The following OSBPL1A variants were observed in gnomAD, a reference collection of about 807,000 sequenced individuals.
OSBPL1A encodes the protein oxysterol-binding protein-related protein 1.
Under a neutral mutation model 137.1 loss-of-function variants are expected in OSBPL1A, and 80 were observed. The ratio of observed to expected loss-of-function variants is 0.58; its 90% CI spans 0.49 to 0.70. The LOEUF (loss-of-function observed/expected upper bound fraction) is 0.70. Among genes scored for constraint, OSBPL1A ranks in the 30% least tolerant of loss-of-function variants. The probability of loss-of-function intolerance (pLI) is 0.00; values close to 1 mark genes in which losing one functional copy is unlikely to be tolerated. For synonymous variants in OSBPL1A, 365 were observed against 389.7 expected, an observed-to-expected ratio of 0.94 and a Z score of 0.75; for missense variants, 970 against 1,129.4, an observed-to-expected ratio of 0.86 and a Z score of 2.02.
intron 15 of OSBPL1A, among the ~76,000 whole-genome samples, chr18:24,262,790 AC>A (rs1466280467): frequency 5.2e-5 from 5 of 95,588 alleles, no homozygotes; most frequent in Non-Finnish European, 9.5e-5. Flanking sequence ...CCTTCTCTCC[AC>A]CCCCTACCCA....
intron 21 of OSBPL1A, among the ~76,000 whole-genome samples, chr18:24,177,175 A>G (rs1165030870): frequency 6.6e-6 from 1 of 152,240 alleles, no homozygotes; most frequent in Non-Finnish European, 1.5e-5. Context: ...CCATCGCAGC[A>G]GGAGTGTAGC....
At chr18:24,315,805 A>G (rs1219019636) in intron 11 of OSBPL1A, among the ~76,000 whole-genome samples, 5 of 73,758 alleles carry the variant, frequency 6.8e-5, no homozygotes, top group Non-Finnish European at 1.3e-4. Context: ...TATAGTATAT[A>G]TTATATAATA....
intron 16 of OSBPL1A, among the ~76,000 whole-genome samples, chr18:24,234,785 G>A (rs974008511): frequency 2.0e-5 from 3 of 152,148 alleles, no homozygotes; most frequent in Non-Finnish European, 4.4e-5. Flanking sequence ...CTTTTAAGAA[G>A]AGTAAGTTGA....
intron 26 of OSBPL1A, 92 bp from the exon 27 acceptor site, chr18:24,165,247 A>G: frequency 8.8e-7 from 1 of 1,131,826 alleles, no homozygotes; most frequent in East Asian, 2.4e-5. Context: ...AAAGAACCAT[A>G]TCTACATGTT....
At chr18:24,295,485 C>G (rs2090272610) in intron 14 of OSBPL1A, among the ~76,000 whole-genome samples, 1 of 152,102 alleles carries the variant, frequency 6.6e-6, no homozygotes, top group Non-Finnish European at 1.5e-5. Flanking sequence ...TTGCCTAGGC[C>G]AATGTCCAGA....
intron 14 of OSBPL1A, among the ~76,000 whole-genome samples, chr18:24,289,622 T>C (rs1042887183): frequency 2.9e-4 from 44 of 152,120 alleles, no homozygotes; most frequent in Non-Finnish European, 5.9e-4. Context: ...GGTTTCGCCA[T>C]GTTGGGCAGG....
rs139561402 is a variant in OSBPL1A at position 24,370,750 on chromosome 18, C to T, written c.122-2378G>A. Among the ~76,000 whole-genome samples, 206 of 152,324 alleles carry T rather than the reference C, an allele frequency of 1.4e-3. 1 individual carries two copies. The highest frequency in any genetic ancestry group is 7.3e-3 in the East Asian group (38 of 5,186). On this transcript the variant is annotated intron_variant, in intron 2 of 27. Transcript: ENST00000319481. Reference sequence around the variant, plus strand: ...TGGCACAATCACATCTCACTGCAGCCTTTACCTCCTGGGCTCAAGCAACTC... The same window carrying T: ...TGGCACAATCACATCTCACTGCAGCTTTTACCTCCTGGGCTCAAGCAACTC...
At chr18:24,171,623 T>C in intron 22 of OSBPL1A, 125 bp from the exon 23 acceptor site, 2 of 705,970 alleles carry the variant, frequency 2.8e-6, no homozygotes, top group Admixed American at 2.6e-5. Flanking sequence ...CCAGGCTCCA[T>C]ACTAAAGTGA....
Position 24,353,070 on chromosome 18 carries a change from A to G in OSBPL1A, c.283-11412T>C, listed in dbSNP as rs556844276. Among the ~76,000 whole-genome samples, 513 of 152,300 alleles carry G rather than the reference A, an allele frequency of 3.4e-3. 3 individuals carry two copies. The highest frequency in any genetic ancestry group is 0.011 in the African/African-American group (474 of 41,574). ...ACAAAAGCCAAAATTGACAAATGGGATCTAATTAAACTAAAGAGCTTCTGC... is the reference window on the plus strand; with the variant it reads ...ACAAAAGCCAAAATTGACAAATGGGGTCTAATTAAACTAAAGAGCTTCTGC... On this transcript the variant is annotated intron_variant, in intron 4 of 27. Transcript: ENST00000319481.
Position 24,271,463 on chromosome 18 carries a change from C to G in OSBPL1A, c.1281+9379G>C, listed in dbSNP as rs1293821443. On this transcript the variant is annotated intron_variant, in intron 15 of 27. Transcript: ENST00000319481. This position sits in a 1 kb window ranked among gnomAD's most constrained non-coding sequence, Gnocchi z 4.0. The stretch of plus-strand genomic sequence containing the variant: ...GCTGGTGCGCCCCTCCCCACGCGCC[C>G]GCGGCTGCACCCCACTCTGCACACA... The G allele has an allele frequency of 6.3e-6, 5 of 790,760 alleles. No individual in the cohort carries two copies. The South Asian group carries it at 2.9e-4, about 45-fold the overall frequency. 49.0% of individuals were successfully genotyped at this position (790,760 alleles called of 1,614,324 possible).
intron 22 of OSBPL1A, 152 bp from the exon 23 acceptor site, chr18:24,171,650 AT>A (rs2086290431): frequency 1.6e-6 from 1 of 623,180 alleles, no homozygotes; most frequent in African/African-American, 1.9e-5. Flanking sequence ...TTAATCCTCA[AT>A]TGGTAATCTT....
At chr18:24,221,488 G>C (rs776787289) in intron 17 of OSBPL1A, among the ~76,000 whole-genome samples, 14 of 152,186 alleles carry the variant, frequency 9.2e-5, no homozygotes, top group Non-Finnish European at 1.5e-4. Flanking sequence ...CAGAAAAAAA[G>C]TCCCTATCAT....
intron 15 of OSBPL1A, among the ~76,000 whole-genome samples, chr18:24,277,626 G>A (rs2146069107): frequency 6.6e-6 from 1 of 152,290 alleles, no homozygotes; most frequent in South Asian, 2.1e-4. Flanking sequence ...CTTTATGCCT[G>A]CTCTTTTAAT....
intron 1 of OSBPL1A, among the ~76,000 whole-genome samples, chr18:24,383,147 GT>G (rs11336199): frequency 0.48 from 72,426 of 151,880 alleles, 18,548 homozygotes; most frequent in East Asian, 0.77. Context: ...ACTGGAAAAT[GT>G]TAAGTTATTA....
At chr18:24,248,812 C>T (rs2088983339) in intron 15 of OSBPL1A, among the ~76,000 whole-genome samples, 1 of 152,094 alleles carries the variant, frequency 6.6e-6, no homozygotes, top group Admixed American at 6.6e-5. Context: ...TTGGAAGAAT[C>T]AATATAAACC....
intron 15 of OSBPL1A, among the ~76,000 whole-genome samples, chr18:24,278,178 T>A (rs533425634): frequency 3.3e-5 from 5 of 152,212 alleles, no homozygotes; most frequent in Non-Finnish European, 7.3e-5. Context: ...ATTCAAAAGA[T>A]GAAGACAACA....
chr18:24,172,186 G>A (rs975010379), intron 22 of OSBPL1A, among the ~76,000 whole-genome samples, 190 bp downstream of exon 22: 64 of 152,078 alleles, frequency 4.2e-4, no homozygotes, highest in African/African-American at 1.4e-3. Flanking sequence ...TGATCCACCC[G>A]CCTCGGCCTC....
chr18:24,289,882 T>C (rs1334789006), intron 14 of OSBPL1A, among the ~76,000 whole-genome samples: 2 of 152,198 alleles, frequency 1.3e-5, no homozygotes, highest in Non-Finnish European at 2.9e-5. Flanking sequence ...TGCATAGGGC[T>C]GTTACCAGGC....
At chr18:24,365,042 A>C (rs1599719138) in intron 4 of OSBPL1A, among the ~76,000 whole-genome samples, 1 of 151,670 alleles carries the variant, frequency 6.6e-6, no homozygotes, top group Admixed American at 6.6e-5. Flanking sequence ...AAAAAAAAAA[A>C]AAAAAATCCA....
Sources: allele counts gnomAD v4.1 joint callset (sites outside exome capture counted in the v4.1 genomes callset), GRCh38; gene constraint gnomAD v4.1.1; non-coding constraint Gnocchi (gnomAD v3.1); transcripts MANE v1.5; gene names NCBI Gene and HGNC (gene_info 2026-07-23, HGNC 2026-07-21).